The following ITFG1 variants were observed in gnomAD, a reference collection of about 807,000 sequenced individuals.
The protein encoded by ITFG1 is integrin alpha FG-GAP repeat containing 1.
In ITFG1, 34 loss-of-function variants were observed where a neutral mutation model predicts 81.8. That is an observed-to-expected ratio of 0.42 (90% CI 0.32 to 0.55). The LOEUF is 0.55. ITFG1 is among the 20% of genes least tolerant of loss of function. The pLI is 0.17. For synonymous variants in ITFG1, 285 were observed against 270.6 expected, an observed-to-expected ratio of 1.05 and a Z score of -0.52; for missense variants, 672 against 755.4, an observed-to-expected ratio of 0.89 and a Z score of 1.29.
chr16:47,262,284 A>G (rs909558534), intron 10 of ITFG1, among the ~76,000 whole-genome samples: 2 of 152,222 alleles, frequency 1.3e-5, no homozygotes, highest in African/African-American at 4.8e-5. Context: ...TTCATGACCT[A>G]TTATAGAACA....
chr16:47,453,847 C>A (rs992422421), intron 3 of ITFG1, among the ~76,000 whole-genome samples, 166 bp downstream of exon 3: 1 of 151,990 alleles, frequency 6.6e-6, no homozygotes, highest in African/African-American at 2.4e-5. Context: ...TGATCCCTGC[C>A]CAGTTCAGGG....
At chr16:47,212,764 AC>A (rs1965578804) in intron 14 of ITFG1, among the ~76,000 whole-genome samples, 1 of 152,194 alleles carries the variant, frequency 6.6e-6, no homozygotes, top group Non-Finnish European at 1.5e-5. Flanking sequence ...TTCAGGGTCC[AC>A]AGTGAGTCAT....
At chr16:47,189,722 T>G (rs1170603237) in intron 14 of ITFG1, among the ~76,000 whole-genome samples, 2 of 151,998 alleles carry the variant, frequency 1.3e-5, no homozygotes, top group Admixed American at 1.3e-4. Context: ...TACCTAGGAG[T>G]GGAATTTTGA....
intron 12 of ITFG1, among the ~76,000 whole-genome samples, chr16:47,250,848 C>T (rs1266806390): frequency 2.0e-5 from 3 of 152,200 alleles, no homozygotes; most frequent in African/African-American, 7.2e-5. Context: ...ATTGGGAAAC[C>T]TTTCAGCTCA....
chr16:47,382,920 T>C (rs1431705146), intron 6 of ITFG1, among the ~76,000 whole-genome samples: 1 of 152,216 alleles, frequency 6.6e-6, no homozygotes, highest in Non-Finnish European at 1.5e-5. Context: ...TGTTGAATTG[T>C]TAGGAGAAAT....
chr16:47,253,134 G>T (rs1338525604), intron 12 of ITFG1, among the ~76,000 whole-genome samples: 1 of 152,156 alleles, frequency 6.6e-6, no homozygotes, highest in African/African-American at 2.4e-5. Flanking sequence ...AGACTGCAGG[G>T]TGACTTGTCC....
At chr16:47,433,700 C>T (rs893502954) in intron 5 of ITFG1, among the ~76,000 whole-genome samples, 1 of 148,838 alleles carries the variant, frequency 6.7e-6, no homozygotes, top group Admixed American at 6.7e-5. Flanking sequence ...CTGATGTTTA[C>T]CAAAGGTGTA....
intron 6 of ITFG1, among the ~76,000 whole-genome samples, chr16:47,406,087 G>A (rs1184953829): frequency 1.3e-5 from 2 of 152,166 alleles, no homozygotes; most frequent in Non-Finnish European, 2.9e-5. Context: ...GATAATATCA[G>A]AAACAACTGC....
intron 14 of ITFG1, among the ~76,000 whole-genome samples, chr16:47,174,494 T>A (rs763464248): frequency 2.6e-5 from 4 of 152,172 alleles, no homozygotes; most frequent in Admixed American, 6.5e-5. Context: ...TGAGTCAACA[T>A]AACACTGAAT....
At chr16:47,315,988 G>A (rs533908320) in intron 8 of ITFG1, among the ~76,000 whole-genome samples, 13 of 151,810 alleles carry the variant, frequency 8.6e-5, no homozygotes, top group Non-Finnish European at 1.6e-4. Flanking sequence ...TCCGAGTTTC[G>A]CCATGTTGTC....
chr16:47,441,190 G>A (rs1473877798), intron 5 of ITFG1, among the ~76,000 whole-genome samples: 4 of 152,084 alleles, frequency 2.6e-5, no homozygotes, highest in African/African-American at 4.8e-5. Context: ...ATAATTAACA[G>A]CTTACCAACC....
chr16:47,173,917 G>A (rs1964991285), intron 14 of ITFG1, among the ~76,000 whole-genome samples: 1 of 152,144 alleles, frequency 6.6e-6, no homozygotes. Flanking sequence ...GCACGTGCCT[G>A]TAGTCCCAGC....
At position 47,155,754 on chromosome 16, in the gene ITFG1, G is replaced by T; in HGVS notation, c.1804C>A (p.Gln602Lys). 3 of 1,607,026 alleles carry T rather than the reference G, an allele frequency of 1.9e-6. No homozygotes were observed. The highest frequency in any genetic ancestry group is 2.6e-6 in the Non-Finnish European group (3 of 1,176,466). The change falls in exon 18 of 18, where the codon CAA becomes AAA. Residue 602 changes from glutamine (Q) to lysine (K), a missense_variant. Gln to Lys is a moderately conservative substitution (Grantham distance 53). Transcript: ENST00000320640. ...EKKADDREKR[Q>K]EAHRFHFDAM ...TCAAAATGAAACCGGTGGGCTTCTT[G>T]TCGTTTTTCTCTATCATCTGCTTTC...
chr16:47,461,176 C>G (rs1277732865), upstream of ITFG1: 1 of 1,022,854 alleles, frequency 9.8e-7, no homozygotes, highest in Non-Finnish European at 1.4e-6. Flanking sequence ...TCCTTTTTCT[C>G]TCTCCCACTA....
At chr16:47,265,636 A>G (rs1464297912) in intron 10 of ITFG1, among the ~76,000 whole-genome samples, 1 of 152,198 alleles carries the variant, frequency 6.6e-6, no homozygotes, top group Non-Finnish European at 1.5e-5. Flanking sequence ...ATTCACTAAA[A>G]TAAGATTTCT....
At chr16:47,287,995 AG>A (rs1966876779) in intron 10 of ITFG1, among the ~76,000 whole-genome samples, 1 of 152,208 alleles carries the variant, frequency 6.6e-6, no homozygotes, top group East Asian at 1.9e-4. Context: ...TACTTTCTCC[AG>A]GAAGTCTTCC....
chr16:47,204,497 G>A (rs1404248402), intron 14 of ITFG1, among the ~76,000 whole-genome samples: 4 of 152,054 alleles, frequency 2.6e-5, no homozygotes, highest in Non-Finnish European at 4.4e-5. Context: ...AAATGCTTTC[G>A]TATTTTGTTA....
intron 8 of ITFG1, among the ~76,000 whole-genome samples, chr16:47,334,043 A>T (rs1967670876): frequency 6.6e-6 from 1 of 152,254 alleles, no homozygotes; most frequent in African/African-American, 2.4e-5. Flanking sequence ...TAATAGTGTT[A>T]GTATGTGAAA....
chr16:47,429,095 C>T (rs1465191041), intron 5 of ITFG1, among the ~76,000 whole-genome samples, 197 bp from the exon 6 acceptor site: 1 of 152,088 alleles, frequency 6.6e-6, no homozygotes, highest in Non-Finnish European at 1.5e-5. Flanking sequence ...TATATAACTC[C>T]AAAGCATTTT....
Sources: allele counts gnomAD v4.1 joint callset (sites outside exome capture counted in the v4.1 genomes callset), GRCh38; gene constraint gnomAD v4.1.1; transcripts MANE v1.5; gene names NCBI Gene and HGNC (gene_info 2026-07-23, HGNC 2026-07-21).